CSMD3: variants seen among roughly 807,000 people sequenced by gnomAD.
CSMD3 encodes the protein CUB and Sushi multiple domains 3.
A neutral mutation model predicts 435.2 loss-of-function variants in CSMD3; 177 were observed. The observed-to-expected ratio is 0.41, with a 90% CI of 0.36 to 0.46. The LOEUF is 0.46. Among genes scored for constraint, CSMD3 ranks in the 20% least tolerant of loss-of-function variants. The pLI, the probability that CSMD3 is intolerant of heterozygous loss-of-function variation, is 0.34. For synonymous variants in CSMD3, 1,656 were observed against 1,520.5 expected (o/e 1.09, Z -2.07); for missense variants, 4,265 against 4,504.6 (o/e 0.95, Z 1.52).
At chr8:113,339,296 G>C (rs559279382) in intron 1 of CSMD3, among the ~76,000 whole-genome samples, 8 of 151,698 alleles carry the variant, frequency 5.3e-5, no homozygotes, top group Non-Finnish European at 1.0e-4. Flanking sequence ...CTTTGAGTTA[G>C]AAAATACAAA....
chr8:113,060,346 A>C (rs1163763052), intron 5 of CSMD3, among the ~76,000 whole-genome samples: 44 of 149,878 alleles, frequency 2.9e-4, no homozygotes, highest in Non-Finnish European at 7.4e-5. Context: ...ATGGCTGCAT[A>C]GTATTCCATG....
intron 13 of CSMD3, among the ~76,000 whole-genome samples, chr8:112,741,600 A>T (rs1017642451): frequency 6.6e-6 from 1 of 151,892 alleles, no homozygotes; most frequent in African/African-American, 2.4e-5. Context: ...GGATTTTAAC[A>T]TATAAATTTG....
At chr8:112,827,360 A>C (rs111449803) in intron 12 of CSMD3, among the ~76,000 whole-genome samples, 3 of 151,448 alleles carry the variant, frequency 2.0e-5, no homozygotes, top group African/African-American at 7.3e-5. Flanking sequence ...CTGAGATGGA[A>C]GTTTTTTTTG....
At chr8:112,718,186 CA>C (rs1396630438) in intron 13 of CSMD3, among the ~76,000 whole-genome samples, 1 of 152,028 alleles carries the variant, frequency 6.6e-6, no homozygotes, top group Non-Finnish European at 1.5e-5. Flanking sequence ...ATAGGTTTTT[CA>C]TTTCCTCTAG....
intron 2 of CSMD3, among the ~76,000 whole-genome samples, chr8:113,296,625 G>A (rs2093724324): frequency 6.6e-6 from 1 of 152,098 alleles, no homozygotes; most frequent in African/African-American, 2.4e-5. Flanking sequence ...GATTCTAGAA[G>A]GGATTTTCAT....
chr8:112,494,504 T>TTTCC (rs1821081696), intron 30 of CSMD3, among the ~76,000 whole-genome samples: 1 of 54,198 alleles, frequency 1.8e-5, no homozygotes, highest in East Asian at 3.3e-4. Context: ...CCTTTCTTTC[T>TTTCC]TTCTTTCTTT....
chr8:112,492,378 C>T, intron 31 of CSMD3, 111 bp downstream of exon 31: 1 of 839,632 alleles, frequency 1.2e-6, no homozygotes, highest in Non-Finnish European at 2.0e-6. Context: ...GCTAGTACGA[C>T]ACTTGTAGAT....
chr8:112,616,180 C>A (rs1180453928), intron 22 of CSMD3, among the ~76,000 whole-genome samples: 1 of 151,980 alleles, frequency 6.6e-6, no homozygotes, highest in Non-Finnish European at 1.5e-5. Context: ...AATTACAGTG[C>A]CAAATTTGTG....
intron 10 of CSMD3, among the ~76,000 whole-genome samples, chr8:112,906,088 T>C (rs998772839): frequency 2.6e-5 from 4 of 151,388 alleles, no homozygotes; most frequent in Admixed American, 1.3e-4. Flanking sequence ...CCAACCATGC[T>C]GGCATTCTGA....
At chr8:113,424,277 AT>A (rs1010692922) in intron 1 of CSMD3, among the ~76,000 whole-genome samples, 1 of 151,654 alleles carries the variant, frequency 6.6e-6, no homozygotes, top group African/African-American at 2.4e-5. Flanking sequence ...AAATGACAGT[AT>A]TTTCCCCATT....
At chr8:112,300,829 T>C (rs1377663264) in intron 53 of CSMD3, among the ~76,000 whole-genome samples, 1 of 152,178 alleles carries the variant, frequency 6.6e-6, no homozygotes, top group African/African-American at 2.4e-5. Flanking sequence ...CAAATAATGA[T>C]TGTATTTCTA....
intron 32 of CSMD3, among the ~76,000 whole-genome samples, chr8:112,418,386 G>A (rs142085824): frequency 6.6e-6 from 1 of 152,176 alleles, no homozygotes; most frequent in South Asian, 2.1e-4. Flanking sequence ...ACATTTTCAT[G>A]AATGCAAAAT....
At chr8:113,074,827 G>A (rs750367837) in intron 5 of CSMD3, among the ~76,000 whole-genome samples, 44 of 151,632 alleles carry the variant, frequency 2.9e-4, no homozygotes, top group Non-Finnish European at 3.7e-4. Flanking sequence ...GGCATAAACT[G>A]TTTTCTACAG....
chr8:112,502,149 G>A (rs1822031592), intron 30 of CSMD3, among the ~76,000 whole-genome samples: 1 of 152,118 alleles, frequency 6.6e-6, no homozygotes, highest in Non-Finnish European at 1.5e-5. Flanking sequence ...AATGGTAAGG[G>A]AATTATCTAC....
intron 19 of CSMD3, among the ~76,000 whole-genome samples, chr8:112,647,980 C>A (rs1024699976): frequency 2.0e-5 from 3 of 152,154 alleles, no homozygotes; most frequent in Non-Finnish European, 4.4e-5. Flanking sequence ...ACTATTATTA[C>A]CACCATACTA....
rs146947677 is a variant in CSMD3, at chr8:112,776,620, C to T, written c.1972+23542G>A. Among the ~76,000 whole-genome samples the T allele has an allele frequency of 2.8e-3, 420 of 151,688 alleles. 1 individual carries two copies. Among genetic ancestry groups the T allele is most frequent in the African/African-American group, 9.3e-3 (384 of 41,482 alleles). The stretch of plus-strand genomic sequence containing the variant: ...AGATCTAAAAGGGTTGGAAAAATTG[C>T]CTTAAGACATATTGTGAGCAGCAAG... On this transcript the variant is annotated intron_variant, in intron 13 of 70. Coordinates refer to ENST00000297405, the MANE Select transcript of CSMD3 (RefSeq NM_198123.2).
chr8:112,631,422 AC>A (rs1438441019), intron 22 of CSMD3, among the ~76,000 whole-genome samples: 35 of 152,234 alleles, frequency 2.3e-4, no homozygotes, highest in African/African-American at 7.9e-4. Context: ...GTATAAAAAA[AC>A]GATAGTCTTC....
In CSMD3 at chr8:112,588,190, A is replaced by G. The variant is rs530836532; in HGVS notation, c.3716-955T>C. 1.1e-4 allele frequency among the ~76,000 whole-genome samples: 17 copies of G among 151,910 alleles called. No homozygotes were observed. In the East Asian group the frequency reaches 3.3e-3, roughly 29 times the overall value. On this transcript the variant is annotated intron_variant, in intron 22 of 70. Coordinates refer to ENST00000297405, the MANE Select transcript of CSMD3 (RefSeq NM_198123.2). ...TTAACTGAAAAGGAAAAAAAAAACA[A>G]GTTGTTATTTTCTAGAAATAAGATT...
chr8:113,036,772 T>G (rs751107106), intron 5 of CSMD3, among the ~76,000 whole-genome samples: 16 of 152,102 alleles, frequency 1.1e-4, no homozygotes, highest in Non-Finnish European at 2.1e-4. Flanking sequence ...GGTCTGCATA[T>G]TTCTGGGTAA....
Sources: allele counts gnomAD v4.1 joint callset (sites outside exome capture counted in the v4.1 genomes callset), GRCh38; gene constraint gnomAD v4.1.1; transcripts MANE v1.5; gene names NCBI Gene and HGNC (gene_info 2026-07-23, HGNC 2026-07-21).